The following EYS variants were observed in gnomAD, a reference collection of about 807,000 sequenced individuals.
EYS encodes the protein protein eyes shut homolog.
Under a neutral mutation model 282.1 loss-of-function variants are expected in EYS, and 250 were observed. That is an observed-to-expected ratio of 0.89 (90% CI 0.80 to 0.98). The LOEUF (loss-of-function observed/expected upper bound fraction) is 0.98, where lower values mean the gene tolerates loss of function less well. EYS is among the 50% of genes least tolerant of loss of function. The probability of loss-of-function intolerance (pLI) is 0.00; values close to 1 mark genes in which losing one functional copy is unlikely to be tolerated. For synonymous variants in EYS, 1,355 were observed against 1,282.9 expected (o/e 1.06, Z -1.20); for missense variants, 4,016 against 3,709.0 (o/e 1.08, Z -2.15).
chr6:64,698,766 C>A (rs1022456789), intron 22 of EYS, among the ~76,000 whole-genome samples: 7 of 152,034 alleles, frequency 4.6e-5, no homozygotes, highest in Non-Finnish European at 8.8e-5. Flanking sequence ...CAAATCAAAA[C>A]CACATTAAGA....
In EYS at chr6:63,823,215, G is replaced by T. The variant is rs554342023; in HGVS notation, c.7229-16843C>A. Among the ~76,000 whole-genome samples, 73 of 152,070 alleles carry T rather than the reference G, an allele frequency of 4.8e-4. 1 individual carries two copies. The highest frequency in any genetic ancestry group is 1.7e-3 in the African/African-American group (72 of 41,500). ...CCCCCTACAGGCATTTAGTGAAATT[G>T]GTCCATAGTTTTATTTTCTTCTGCT... On this transcript the variant is annotated intron_variant, in intron 36 of 42. Coordinates refer to ENST00000503581, the MANE Select transcript of EYS (RefSeq NM_001142800.2).
intron 35 of EYS, among the ~76,000 whole-genome samples, chr6:63,948,751 C>T (rs1259187622): frequency 6.6e-6 from 1 of 152,010 alleles, no homozygotes; most frequent in East Asian, 1.9e-4. Flanking sequence ...GCAGAATGTT[C>T]AGGTAATGAG....
chr6:64,427,974 T>G (rs182027792), intron 28 of EYS, among the ~76,000 whole-genome samples: 1 of 152,274 alleles, frequency 6.6e-6, no homozygotes, highest in East Asian at 1.9e-4. Flanking sequence ...TTGAATTTTC[T>G]GACATCTATT....
chr6:65,197,313 C>CT (rs1193547998), intron 12 of EYS, among the ~76,000 whole-genome samples: 1 of 152,030 alleles, frequency 6.6e-6, no homozygotes, highest in Non-Finnish European at 1.5e-5. Flanking sequence ...GCTATTACTT[C>CT]TTTTTGCTTG....
chr6:65,023,038 A>G (rs1168285299), intron 13 of EYS, among the ~76,000 whole-genome samples: 11 of 152,226 alleles, frequency 7.2e-5, no homozygotes, highest in African/African-American at 2.6e-4. Context: ...GTTAATGGGT[A>G]TGGCTTTTAT....
chr6:64,957,630 G>A (rs987028564), intron 14 of EYS, among the ~76,000 whole-genome samples: 1 of 152,184 alleles, frequency 6.6e-6, no homozygotes, highest in Non-Finnish European at 1.5e-5. Flanking sequence ...ACAGATGAAT[G>A]CTTGAAGGGA....
chr6:65,521,079 T>C (rs1183871417), intron 2 of EYS, among the ~76,000 whole-genome samples: 3 of 152,184 alleles, frequency 2.0e-5, no homozygotes, highest in Admixed American at 1.3e-4. Context: ...CAAGTTTATA[T>C]GGATGCATTT....
At chr6:64,169,574 C>T (rs921099116) in intron 31 of EYS, among the ~76,000 whole-genome samples, 1 of 152,014 alleles carries the variant, frequency 6.6e-6, no homozygotes, top group Non-Finnish European at 1.5e-5. Flanking sequence ...GGGAGGACTT[C>T]CTGAAGCCCA....
At chr6:64,706,664 A>G (rs985394563) in intron 22 of EYS, among the ~76,000 whole-genome samples, 1 of 152,196 alleles carries the variant, frequency 6.6e-6, no homozygotes, top group African/African-American at 2.4e-5. Flanking sequence ...ACACGAATAG[A>G]CAATTCTCTA....
intron 11 of EYS, among the ~76,000 whole-genome samples, chr6:65,322,540 T>C (rs1037105646): frequency 1.3e-5 from 2 of 152,016 alleles, no homozygotes; most frequent in African/African-American, 4.8e-5. Context: ...CTCATGCCTG[T>C]AATCCCAGCA....
At chr6:65,443,422 GTA>G (rs1768501392) in intron 5 of EYS, among the ~76,000 whole-genome samples, 3 of 115,238 alleles carry the variant, frequency 2.6e-5, no homozygotes, top group Admixed American at 9.8e-5. Context: ...AGCCATATAT[GTA>G]CATATATGTA....
chr6:65,125,072 C>G (rs757302040), intron 12 of EYS, among the ~76,000 whole-genome samples: 1 of 152,190 alleles, frequency 6.6e-6, no homozygotes, highest in Non-Finnish European at 1.5e-5. Flanking sequence ...GGTCATTTGT[C>G]TAAGTTGTGG....
At chr6:64,306,013 ACTC>A (rs1023560881) in intron 30 of EYS, among the ~76,000 whole-genome samples, 3 of 152,200 alleles carry the variant, frequency 2.0e-5, no homozygotes, top group South Asian at 2.1e-4. Context: ...TATATAGAGA[ACTC>A]CTAAGACTAA....
At chr6:64,818,352 C>T (rs778685279) in intron 21 of EYS, among the ~76,000 whole-genome samples, 54 of 152,178 alleles carry the variant, frequency 3.5e-4, no homozygotes, top group Non-Finnish European at 6.6e-4. Flanking sequence ...TTCTAATTGT[C>T]ACTTGGACAA....
At chr6:63,783,308 G>C (rs1271742961) in intron 39 of EYS, among the ~76,000 whole-genome samples, 1 of 152,154 alleles carries the variant, frequency 6.6e-6, no homozygotes, top group East Asian at 1.9e-4. Flanking sequence ...TTGGCAAACA[G>C]AGTACAGGAC....
intron 22 of EYS, chr6:64,631,064 T>A (rs1235726056): frequency 1.4e-4 from 21 of 152,142 alleles, no homozygotes. Context: ...AATGACACTG[T>A]CACACCAGGC....
chr6:64,874,020 C>G (rs770683568), intron 19 of EYS, among the ~76,000 whole-genome samples: 43 of 152,028 alleles, frequency 2.8e-4, no homozygotes, highest in Non-Finnish European at 5.0e-4. Context: ...GGTAGTACTT[C>G]AAAACTTTGA....
At chr6:64,902,574 C>A in intron 16 of EYS, 74 bp from the exon 17 acceptor site, 4 of 801,372 alleles carry the variant, frequency 5.0e-6, no homozygotes, top group Non-Finnish European at 5.7e-6. Context: ...CAGTGGTAGT[C>A]TAAAGAATAC....
intron 19 of EYS, among the ~76,000 whole-genome samples, chr6:64,867,521 C>A (rs1435032794): frequency 2.0e-5 from 3 of 151,726 alleles, no homozygotes; most frequent in Non-Finnish European, 4.4e-5. Flanking sequence ...GAGCAAAAAT[C>A]TGTCCATGTC....
Sources: gnomAD v4.1 joint callset for allele counts (sites outside exome capture counted in the v4.1 genomes callset) on GRCh38, gnomAD v4.1.1 for gene constraint, MANE v1.5 for transcripts, NCBI Gene and HGNC (gene_info 2026-07-23, HGNC 2026-07-21) for gene names.